Variants in PELI2 observed in about 807,000 individuals in gnomAD.
The protein encoded by PELI2 is E3 ubiquitin-protein ligase pellino homolog 2.
Under a neutral mutation model 42.3 loss-of-function variants are expected in PELI2, and 23 were observed. The observed-to-expected ratio is 0.54, with a 90% confidence interval of 0.39 to 0.77. The LOEUF is 0.77. Among genes scored for constraint, PELI2 ranks in the 30% least tolerant of loss-of-function variants. The pLI, the probability that PELI2 is intolerant of heterozygous loss-of-function variation, is 0.00. For missense variants in PELI2, 463 were observed against 553.2 expected (o/e 0.84, Z 1.64); for synonymous variants, 245 against 212.2 (o/e 1.15, Z -1.34).
At chr14:56,257,515 C>CTATA (rs995044718) in intron 2 of PELI2, among the ~76,000 whole-genome samples, 1 of 150,298 alleles carries the variant, frequency 6.7e-6, no homozygotes, top group African/African-American at 2.5e-5. Context: ...CTTTCTCTTT[C>CTATA]TATATATATA....
At chr14:56,121,913 G>GT (rs1883075473) in intron 1 of PELI2, among the ~76,000 whole-genome samples, 2 of 152,180 alleles carry the variant, frequency 1.3e-5, no homozygotes, top group Admixed American at 6.5e-5. Context: ...TGCTGTGGTT[G>GT]TTTTTTATGA....
chr14:56,201,270 A>G (rs1168436317), intron 2 of PELI2, among the ~76,000 whole-genome samples: 1 of 152,228 alleles, frequency 6.6e-6, no homozygotes, highest in Non-Finnish European at 1.5e-5. Flanking sequence ...TGAGAGTGTT[A>G]CTTAGGAGAA....
chr14:56,221,571 A>C (rs561795773), intron 2 of PELI2, among the ~76,000 whole-genome samples: 75 of 152,332 alleles, frequency 4.9e-4, no homozygotes, highest in African/African-American at 1.7e-3. Flanking sequence ...CAAGGTAACT[A>C]GACTTATCAC....
chr14:56,178,522 C>G, intron 2 of PELI2, 58 bp downstream of exon 2: 1 of 1,570,828 alleles, frequency 6.4e-7, no homozygotes, highest in South Asian at 1.1e-5. Context: ...CACAGATACT[C>G]CTTGTCCGCT....
chr14:56,193,986 T>C (rs1412376298), intron 2 of PELI2, among the ~76,000 whole-genome samples: 2 of 152,192 alleles, frequency 1.3e-5, no homozygotes, highest in African/African-American at 2.4e-5. Context: ...CCTTGAGCTC[T>C]TGTTAATTTT....
At chr14:56,137,011 C>T (rs1031431978) in intron 1 of PELI2, among the ~76,000 whole-genome samples, 2 of 152,162 alleles carry the variant, frequency 1.3e-5, no homozygotes, top group African/African-American at 4.8e-5. Context: ...TGGCTAGTGT[C>T]TAGTCTTATG....
intron 1 of PELI2, among the ~76,000 whole-genome samples, chr14:56,122,585 G>C (rs1026752753): frequency 1.4e-5 from 2 of 143,130 alleles, no homozygotes; most frequent in African/African-American, 5.0e-5. Context: ...AATGGATAAT[G>C]CATTTTGCAA....
intron 1 of PELI2, among the ~76,000 whole-genome samples, chr14:56,150,112 A>G (rs919521181): frequency 6.6e-6 from 1 of 152,220 alleles, no homozygotes; most frequent in Non-Finnish European, 1.5e-5. Context: ...ATAAGGAAAA[A>G]TAAGGTAAAG....
At position 56,226,600 on chromosome 14, in the gene PELI2, T is replaced by C. The variant is rs142682408; in HGVS notation, c.207+48136T>C. On this transcript the variant is annotated intron_variant, in intron 2 of 5. Transcript: ENST00000267460. ...ATGTGTTTGCACAACAATTACTTTA[T>C]GAAGTCGTAGTTTACCTTCCCCTTC... Among the ~76,000 whole-genome samples the C allele has an allele frequency of 7.6e-3, 1,152 of 152,334 alleles. 9 individuals are homozygous for C. Among genetic ancestry groups the C allele is most frequent in the African/African-American group, 0.026 (1,087 of 41,578 alleles).
chr14:56,194,596 A>C (rs1439177676), intron 2 of PELI2, among the ~76,000 whole-genome samples: 1 of 152,180 alleles, frequency 6.6e-6, no homozygotes, highest in Non-Finnish European at 1.5e-5. Flanking sequence ...TTAAGTGCTA[A>C]ATATACTTTG....
Position 56,235,518 on chromosome 14 carries a change from C to T in PELI2, c.208-44158C>T, listed in dbSNP as rs1019882590. On this transcript the variant is annotated intron_variant, in intron 2 of 5. Coordinates refer to ENST00000267460, the MANE Select transcript of PELI2 (RefSeq NM_021255.3). Reference sequence around the variant, plus strand: ...TGTTGCTCAGGTCACCTTTTAGAGCCAGGCCTAGAGCTGCTGGCCTAACTG... The same window carrying T: ...TGTTGCTCAGGTCACCTTTTAGAGCTAGGCCTAGAGCTGCTGGCCTAACTG... Among the ~76,000 whole-genome samples, 3 of 152,324 alleles carry T rather than the reference C, an allele frequency of 2.0e-5. No individual in the cohort carries two copies. In the South Asian group the frequency reaches 6.2e-4, roughly 32 times the overall value.
At chr14:56,206,886 G>C (rs1886536861) in intron 2 of PELI2, among the ~76,000 whole-genome samples, 2 of 152,142 alleles carry the variant, frequency 1.3e-5, no homozygotes, top group South Asian at 4.1e-4. Context: ...TATCCTCAGA[G>C]GGATTTGCTG....
intron 1 of PELI2, among the ~76,000 whole-genome samples, chr14:56,122,288 C>G (rs1883089549): frequency 6.6e-6 from 1 of 152,136 alleles, no homozygotes; most frequent in Admixed American, 6.5e-5. Context: ...GGAAGGGGGC[C>G]TAATGGTCAT....
At chr14:56,195,112 GT>G (rs1488286954) in intron 2 of PELI2, among the ~76,000 whole-genome samples, 1 of 152,170 alleles carries the variant, frequency 6.6e-6, no homozygotes, top group African/African-American at 2.4e-5. Flanking sequence ...TTAGTGAAAT[GT>G]TTTTAGGCAT....
intron 1 of PELI2, among the ~76,000 whole-genome samples, chr14:56,176,058 G>A (rs1195989448): frequency 6.6e-6 from 1 of 152,234 alleles, no homozygotes; most frequent in African/African-American, 2.4e-5. Flanking sequence ...AAACTAGAAT[G>A]TTATTGGCCA....
chr14:56,120,603 C>T (rs969700569), intron 1 of PELI2, among the ~76,000 whole-genome samples: 4 of 152,210 alleles, frequency 2.6e-5, no homozygotes, highest in African/African-American at 9.7e-5. Context: ...GACACTCAAC[C>T]GTCGTTTGTG....
intron 1 of PELI2, among the ~76,000 whole-genome samples, chr14:56,160,627 A>G (rs572436257): frequency 1.3e-4 from 20 of 152,336 alleles, no homozygotes; most frequent in Admixed American, 3.3e-4. Context: ...AATTGCTATA[A>G]AGATTTGGGG....
intron 2 of PELI2, among the ~76,000 whole-genome samples, chr14:56,241,232 ACTC>A (rs1566659191): frequency 2.0e-5 from 3 of 152,126 alleles, no homozygotes; most frequent in African/African-American, 4.8e-5. Context: ...GCAAGAAAGA[ACTC>A]CTGAAAACTA....
intron 5 of PELI2, among the ~76,000 whole-genome samples, chr14:56,296,211 G>A (rs1043412802): frequency 6.6e-6 from 1 of 152,214 alleles, no homozygotes; most frequent in African/African-American, 2.4e-5. Context: ...AGATGAGGAT[G>A]AGTCTCCACT....
Sources: gnomAD v4.1 joint callset for allele counts (sites outside exome capture counted in the v4.1 genomes callset) on GRCh38, gnomAD v4.1.1 for gene constraint, MANE v1.5 for transcripts, NCBI Gene and HGNC (gene_info 2026-07-23, HGNC 2026-07-21) for gene names.